TAF3: variants seen among roughly 807,000 people sequenced by gnomAD.
TAF3 encodes TATA-box binding protein associated factor 3.
A neutral mutation model predicts 80.6 loss-of-function variants in TAF3; 7 were observed. The ratio of observed to expected loss-of-function variants is 0.09; its 90% CI spans 0.05 to 0.16. The LOEUF (loss-of-function observed/expected upper bound fraction) is 0.16. Among genes scored for constraint, TAF3 ranks in the 10% least tolerant of loss-of-function variants. The pLI is 1.00. For missense variants in TAF3, 921 were observed against 1,140.2 expected (o/e 0.81, Z 2.77); for synonymous variants, 444 against 446.1 (o/e 1.00, Z 0.06).
intron 2 of TAF3, among the ~76,000 whole-genome samples, chr10:7,893,414 G>A (rs1270529916): frequency 6.6e-6 from 1 of 152,204 alleles, no homozygotes; most frequent in Admixed American, 6.5e-5. Flanking sequence ...CAGAGAAGAA[G>A]CAGGGAGGAG....
At chr10:7,916,468 T>A (rs1162965724) in intron 2 of TAF3, among the ~76,000 whole-genome samples, 1 of 152,208 alleles carries the variant, frequency 6.6e-6, no homozygotes, top group Non-Finnish European at 1.5e-5. Context: ...TCTAAAAATA[T>A]GTCAGTGTAT....
rs1838161192 is a variant in TAF3, at chr10:7,958,762, C to T, written c.410-5158C>T. On this transcript the variant is annotated intron_variant, in intron 2 of 6. Transcript: ENST00000344293. ...TAACTTCCACGCGCGTTACTTATTCCTGCTGGTAGGTATCAGATCATTTCT... is the reference window on the plus strand; with the variant it reads ...TAACTTCCACGCGCGTTACTTATTCTTGCTGGTAGGTATCAGATCATTTCT... 2.6e-5 allele frequency among the ~76,000 whole-genome samples: 4 copies of T among 152,310 alleles called. No homozygotes were observed. The South Asian group carries it at 8.3e-4, about 32-fold the overall frequency.
At chr10:7,832,080 G>A (rs538649245) in intron 2 of TAF3, among the ~76,000 whole-genome samples, 8 of 152,208 alleles carry the variant, frequency 5.3e-5, no homozygotes, top group African/African-American at 1.9e-4. Flanking sequence ...ATTTTCAAAT[G>A]TGTAATACAT....
chr10:7,847,497 C>T (rs921893393), intron 2 of TAF3, among the ~76,000 whole-genome samples: 7 of 152,034 alleles, frequency 4.6e-5, no homozygotes, highest in East Asian at 1.9e-4. Flanking sequence ...CAGGCTGGAG[C>T]GCAGTGGTGC....
At position 7,955,542 on chromosome 10, in the gene TAF3, C is replaced by T. The variant is rs772467137; in HGVS notation, c.410-8378C>T. ...TGCCACTGAATTTTAAAGTTGCATGCGTCTGTGTAGTTAGTCAGATAAAAA... is the reference window on the plus strand; with the variant it reads ...TGCCACTGAATTTTAAAGTTGCATGTGTCTGTGTAGTTAGTCAGATAAAAA... On this transcript the variant is annotated intron_variant, in intron 2 of 6. Transcript: ENST00000344293. Among the ~76,000 whole-genome samples, 14 of 152,324 alleles carry T rather than the reference C, an allele frequency of 9.2e-5. No homozygotes were observed. The East Asian group carries it at 9.6e-4, about 10-fold the overall frequency.
intron 2 of TAF3, among the ~76,000 whole-genome samples, chr10:7,864,496 C>T (rs1556479): frequency 0.7 from 106,897 of 152,070 alleles, 37,971 homozygotes; most frequent in Non-Finnish European, 0.77. Flanking sequence ...TATTCTTAAC[C>T]GTAGTCACAT....
At chr10:7,873,705 C>T (rs1837289784) in intron 2 of TAF3, among the ~76,000 whole-genome samples, 1 of 146,314 alleles carries the variant, frequency 6.8e-6, no homozygotes, top group Non-Finnish European at 1.5e-5. Flanking sequence ...GCAGATGGGA[C>T]CAGGTATTTT....
intron 2 of TAF3, among the ~76,000 whole-genome samples, chr10:7,897,203 G>T (rs913729445): frequency 3.9e-5 from 6 of 152,294 alleles, no homozygotes; most frequent in African/African-American, 1.4e-4. Context: ...CCACCTTATT[G>T]TCTTTGCAGG....
chr10:7,937,951 G>A (rs537455850), intron 2 of TAF3, among the ~76,000 whole-genome samples: 55 of 152,290 alleles, frequency 3.6e-4, no homozygotes, highest in African/African-American at 1.3e-3. Flanking sequence ...GGAACATCCT[G>A]CTTGGAAATG....
chr10:7,995,099 T>C (rs1385486312), intron 4 of TAF3, among the ~76,000 whole-genome samples: 1 of 152,082 alleles, frequency 6.6e-6, no homozygotes, highest in African/African-American at 2.4e-5. Context: ...CTATCACTAC[T>C]ACCACCAAGA....
At chr10:7,934,697 G>C (rs1456469002) in intron 2 of TAF3, among the ~76,000 whole-genome samples, 1 of 151,790 alleles carries the variant, frequency 6.6e-6, no homozygotes. Flanking sequence ...CACCTGTCTT[G>C]GCCTCCCAAA....
At chr10:7,872,456 G>A (rs892432587) in intron 2 of TAF3, among the ~76,000 whole-genome samples, 5 of 151,996 alleles carry the variant, frequency 3.3e-5, no homozygotes, top group African/African-American at 7.2e-5. Context: ...TTATATTGCC[G>A]TTTATCAGCA....
intron 2 of TAF3, among the ~76,000 whole-genome samples, chr10:7,840,170 C>G (rs1419262111): frequency 1.7e-5 from 2 of 119,148 alleles, no homozygotes; most frequent in African/African-American, 6.2e-5. Context: ...TTTTTTTTTT[C>G]GAGACGGAGT....
chr10:7,915,267 AC>A (rs1837699109), intron 2 of TAF3, among the ~76,000 whole-genome samples: 1 of 150,908 alleles, frequency 6.6e-6, no homozygotes, highest in Admixed American at 6.6e-5. Flanking sequence ...TTTATGAAGA[AC>A]CTGCGCTCTT....
rs116776043 is a variant in TAF3 at position 7,974,313 on chromosome 10, T to G, written c.2233-2928T>G. ...TGAAGGAGACATCAGCCAAGAGTGA[T>G]GTTGGCTAGGGGGAAGGGGCGGTTT... On this transcript the variant is annotated intron_variant, in intron 3 of 6. Coordinates refer to ENST00000344293, the MANE Select transcript of TAF3 (RefSeq NM_031923.4). Among the ~76,000 whole-genome samples, 1,175 of 152,176 alleles carry G rather than the reference T, an allele frequency of 7.7e-3. 18 individuals carry two copies. Among genetic ancestry groups the G allele is most frequent in the African/African-American group, 0.027 (1,106 of 41,524 alleles).
intron 2 of TAF3, among the ~76,000 whole-genome samples, chr10:7,944,127 G>A (rs1311852346): frequency 1.3e-5 from 2 of 151,498 alleles, no homozygotes; most frequent in African/African-American, 2.4e-5. Flanking sequence ...GTGTGTGTGT[G>A]TGTGTGTGTT....
intron 2 of TAF3, among the ~76,000 whole-genome samples, chr10:7,905,848 A>T (rs935611310): frequency 2.6e-5 from 4 of 151,964 alleles, no homozygotes; most frequent in Non-Finnish European, 5.9e-5. Context: ...ATGCCACTGC[A>T]CTCCAGCCTG....
chr10:7,891,897 A>G (rs1275502360), intron 2 of TAF3, among the ~76,000 whole-genome samples: 1 of 152,200 alleles, frequency 6.6e-6, no homozygotes, highest in African/African-American at 2.4e-5. Context: ...ATATAAATGG[A>G]GTATCTACTT....
At chr10:7,916,632 A>T (rs189006078) in intron 2 of TAF3, among the ~76,000 whole-genome samples, 42 of 152,056 alleles carry the variant, frequency 2.8e-4, no homozygotes, top group African/African-American at 9.4e-4. Flanking sequence ...TTTTAAAAAT[A>T]AAGTGTATAT....
Sources: gnomAD v4.1 joint callset for allele counts (sites outside exome capture counted in the v4.1 genomes callset) on GRCh38, gnomAD v4.1.1 for gene constraint, MANE v1.5 for transcripts, NCBI Gene and HGNC (gene_info 2026-07-23, HGNC 2026-07-21) for gene names.